CRISPLD1: variants seen among roughly 807,000 people sequenced by gnomAD.
The protein encoded by CRISPLD1 is cysteine rich secretory protein LCCL domain containing 1, also known as cysteine-rich secretory protein LCCL domain-containing 1.
Under a neutral mutation model 77.5 loss-of-function variants are expected in CRISPLD1, and 60 were observed. The ratio of observed to expected loss-of-function variants is 0.77; its 90% CI spans 0.63 to 0.96. CRISPLD1 has a LOEUF of 0.96. Among genes scored for constraint, CRISPLD1 ranks in the 40% least tolerant of loss-of-function variants. The pLI is 0.00. For synonymous variants in CRISPLD1, 195 were observed against 200.1 expected (o/e 0.97, Z 0.22); for missense variants, 623 against 615.8 (o/e 1.01, Z -0.12).
At chr8:75,017,141 GGATAGAGT>G in intron 9 of CRISPLD1, 28 bp downstream of exon 9, 1 of 1,573,420 alleles carries the variant, frequency 6.4e-7, no homozygotes. Flanking sequence ...AATTATTTGA[GGATAGAGT>G]CATTCCATGT....
intron 1 of CRISPLD1, among the ~76,000 whole-genome samples, chr8:74,985,422 A>T (rs975537837): frequency 6.6e-6 from 1 of 151,998 alleles, no homozygotes; most frequent in African/African-American, 2.4e-5. Flanking sequence ...TGAAACATTC[A>T]CTCTCAATTT....
At chr8:75,007,663 CTTTTTTT>C (rs34289550) in intron 2 of CRISPLD1, among the ~76,000 whole-genome samples, 2 of 89,322 alleles carry the variant, frequency 2.2e-5, no homozygotes, top group South Asian at 4.2e-4. Flanking sequence ...GAACCATCGA[CTTTTTTT>C]TTTTTTTTTT....
intron 14 of CRISPLD1, 115 bp from the exon 15 acceptor site, chr8:75,032,076 C>T (rs2128789967): frequency 1.5e-6 from 1 of 649,826 alleles, no homozygotes; most frequent in East Asian, 2.7e-5. Context: ...AGAAAGTTGA[C>T]CATCTGGATT....
intron 14 of CRISPLD1, among the ~76,000 whole-genome samples, chr8:75,029,986 C>A (rs1813305411): frequency 6.6e-6 from 1 of 152,072 alleles, no homozygotes; most frequent in Non-Finnish European, 1.5e-5. Flanking sequence ...TATAAATGAA[C>A]TCTTTCAGGT....
At chr8:74,992,905 G>GTTTTGTT (rs1812593602) in intron 2 of CRISPLD1, among the ~76,000 whole-genome samples, 2 of 115,238 alleles carry the variant, frequency 1.7e-5, no homozygotes, top group African/African-American at 3.4e-5. Flanking sequence ...AGAAATTATG[G>GTTTTGTT]TTTTTTTTTT....
intron 2 of CRISPLD1, among the ~76,000 whole-genome samples, chr8:74,997,483 G>A (rs1812664069): frequency 6.6e-6 from 1 of 152,194 alleles, no homozygotes; most frequent in African/African-American, 2.4e-5. Flanking sequence ...TGAGATGCAT[G>A]TCATCCTTAG....
At chr8:75,021,471 G>A (rs1039913736) in intron 12 of CRISPLD1, among the ~76,000 whole-genome samples, 4 of 152,140 alleles carry the variant, frequency 2.6e-5, no homozygotes, top group African/African-American at 9.7e-5. Context: ...CAGCTTGTGC[G>A]TTTGCTGAAA....
In CRISPLD1 at chr8:75,031,371, A is replaced by T. The variant is rs187989267; in HGVS notation, c.1452-820A>T. 9.5e-4 allele frequency among the ~76,000 whole-genome samples: 144 copies of T among 152,222 alleles called. No homozygotes were observed. In the Middle Eastern group the frequency reaches 0.02, roughly 22 times the overall value. On this transcript the variant is annotated intron_variant, in intron 14 of 14. Coordinates refer to ENST00000262207, the MANE Select transcript of CRISPLD1 (RefSeq NM_031461.6). Reference sequence around the variant, plus strand: ...AAATAAAACTTTATGTAAAAGCTTCAAAAGCTTACAGTTGATTTGAATAAA... The same window carrying T: ...AAATAAAACTTTATGTAAAAGCTTCTAAAGCTTACAGTTGATTTGAATAAA...
chr8:74,999,895 A>G (rs908103804), intron 2 of CRISPLD1, among the ~76,000 whole-genome samples: 1 of 151,794 alleles, frequency 6.6e-6, no homozygotes, highest in African/African-American at 2.4e-5. Flanking sequence ...TGGGAAATGA[A>G]TCTCAAAATT....
intron 2 of CRISPLD1, among the ~76,000 whole-genome samples, chr8:75,006,048 G>A (rs1812825327): frequency 6.6e-6 from 1 of 152,056 alleles, no homozygotes; most frequent in African/African-American, 2.4e-5. Context: ...TTACCAGTAG[G>A]TGATTTTTCA....
At chr8:74,997,154 G>C (rs1406127996) in intron 2 of CRISPLD1, among the ~76,000 whole-genome samples, 2 of 152,142 alleles carry the variant, frequency 1.3e-5, no homozygotes, top group African/African-American at 4.8e-5. Flanking sequence ...TACCTTATAG[G>C]GAATCATCTG....
chr8:75,025,348 T>C (rs1247874897), intron 12 of CRISPLD1, among the ~76,000 whole-genome samples, 198 bp from the exon 13 acceptor site: 1 of 152,050 alleles, frequency 6.6e-6, no homozygotes, highest in Non-Finnish European at 1.5e-5. Flanking sequence ...TTAAATGACA[T>C]TTATGCCAAA....
intron 2 of CRISPLD1, among the ~76,000 whole-genome samples, chr8:75,003,372 T>C (rs918075739): frequency 6.6e-6 from 1 of 152,210 alleles, no homozygotes; most frequent in Non-Finnish European, 1.5e-5. Context: ...TTTTATTTCA[T>C]TTTGAAAATT....
intron 2 of CRISPLD1, among the ~76,000 whole-genome samples, chr8:74,988,740 C>T (rs1812530551): frequency 6.6e-6 from 1 of 152,068 alleles, no homozygotes; most frequent in African/African-American, 2.4e-5. Flanking sequence ...GAGGTTGAGG[C>T]ACCAGAATCG....
intron 12 of CRISPLD1, among the ~76,000 whole-genome samples, chr8:75,024,537 C>T (rs1297571557): frequency 6.6e-6 from 1 of 152,120 alleles, no homozygotes; most frequent in Non-Finnish European, 1.5e-5. Flanking sequence ...GTTGGCCAGG[C>T]TGGTCACAAA....
At chr8:75,008,582 A>G (rs569973249) in intron 2 of CRISPLD1, among the ~76,000 whole-genome samples, 16 of 152,230 alleles carry the variant, frequency 1.1e-4, no homozygotes, top group Admixed American at 5.9e-4. Flanking sequence ...GATTCTGTGA[A>G]TAGATAATTA....
At chr8:74,987,096 T>A (rs1328714426) in intron 2 of CRISPLD1, among the ~76,000 whole-genome samples, 1 of 152,238 alleles carries the variant, frequency 6.6e-6, no homozygotes, top group Non-Finnish European at 1.5e-5. Flanking sequence ...TTGCAGTTAA[T>A]TTTCATACAT....
intron 6 of CRISPLD1, among the ~76,000 whole-genome samples, 180 bp downstream of exon 6, chr8:75,015,092 T>C (rs1813005496): frequency 6.6e-6 from 1 of 152,296 alleles, no homozygotes; most frequent in African/African-American, 2.4e-5. Context: ...AAGTTTGTTA[T>C]ATGAAATTTT....
At chr8:75,008,411 T>A (rs1812871739) in intron 2 of CRISPLD1, among the ~76,000 whole-genome samples, 1 of 152,094 alleles carries the variant, frequency 6.6e-6, no homozygotes, top group African/African-American at 2.4e-5. Flanking sequence ...CTTAATGGGG[T>A]GGGTAGAACT....
Sources: allele counts gnomAD v4.1 joint callset (sites outside exome capture counted in the v4.1 genomes callset), GRCh38; gene constraint gnomAD v4.1.1; transcripts MANE v1.5; gene names NCBI Gene and HGNC (gene_info 2026-07-23, HGNC 2026-07-21).